The following TM4SF19 variants were observed in gnomAD, a reference collection of about 807,000 sequenced individuals.
The protein encoded by TM4SF19 is transmembrane 4 L6 family member 19.
A neutral mutation model predicts 21.8 loss-of-function variants in TM4SF19; 17 were observed. The observed-to-expected ratio is 0.78, with a 90% CI of 0.53 to 1.17. TM4SF19 has a LOEUF of 1.17. Ranked by LOEUF, TM4SF19 falls within the 50% of genes most tolerant of loss-of-function variation. TM4SF19 has a pLI of 0.00. For missense variants in TM4SF19, 216 were observed against 252.1 expected (o/e 0.86, Z 0.97); for synonymous variants, 107 against 106.7 (o/e 1.00, Z -0.02).
chr3:196,332,730 C>T (rs1230375916), intron 1 of TM4SF19, among the ~76,000 whole-genome samples: 1 of 151,926 alleles, frequency 6.6e-6, no homozygotes, highest in African/African-American at 2.4e-5. Context: ...TGCTTCTCCA[C>T]TTATGATGGG....
chr3:196,330,282 T>C (rs1727456251), intron 1 of TM4SF19, among the ~76,000 whole-genome samples: 1 of 152,132 alleles, frequency 6.6e-6, no homozygotes, highest in Non-Finnish European at 1.5e-5. Flanking sequence ...GGTTTAAGGG[T>C]TACAGACTTT....
chr3:196,334,215 T>A (rs1727631080), intron 1 of TM4SF19, among the ~76,000 whole-genome samples: 2 of 152,216 alleles, frequency 1.3e-5, no homozygotes, highest in African/African-American at 4.8e-5. Flanking sequence ...CCCTCTCCAA[T>A]CCTGCCTTCT....
chr3:196,335,806 G>A (rs1291263475), intron 1 of TM4SF19, among the ~76,000 whole-genome samples: 2 of 152,018 alleles, frequency 1.3e-5, no homozygotes, highest in Non-Finnish European at 1.5e-5. Context: ...CGGTCCCATC[G>A]TGCAGTGCGG....
Position 196,329,382 on chromosome 3 carries a change from A to G in TM4SF19, c.-1-1791T>C, listed in dbSNP as rs1028510950. ...TTCAAAAATTCACTTGAAATGGAGC[A>G]TGGGTCTAAAAGCTTTATAAAATTT... On this transcript the variant is annotated intron_variant, in intron 1 of 4. Transcript: ENST00000273695. Among the ~76,000 whole-genome samples, 4 of 127,416 alleles carry G rather than the reference A, an allele frequency of 3.1e-5. 1 individual carries two copies. Among genetic ancestry groups the G allele is most frequent in the Non-Finnish European group, 5.2e-5 (3 of 57,844 alleles). 83.6% of individuals were successfully genotyped at this position (127,416 alleles called of 152,430 possible). A position where few individuals can be genotyped will look rare whatever the true frequency, so the allele number is the denominator to read the frequency against.
In TM4SF19 at chr3:196,329,607, C is replaced by G. The variant is rs1437764933; in HGVS notation, c.-1-2016G>C. 2.5e-5 allele frequency among the ~76,000 whole-genome samples: 3 copies of G among 119,994 alleles called. 1 individual carries two copies. The highest frequency in any genetic ancestry group is 8.3e-5 in the African/African-American group (3 of 36,080). The allele number at this position is 119,994 out of a possible 152,430, so 78.7% of individuals were successfully genotyped here. A position where few individuals can be genotyped will look rare whatever the true frequency, so the allele number is the denominator to read the frequency against. On this transcript the variant is annotated intron_variant, in intron 1 of 4. Transcript: ENST00000273695. Reference sequence around the variant, plus strand: ...GCTTGAACCCAGGAGGCAGAGGCTGCAGTGAGCTGAGATCGCGCCACTGCA... The same window carrying G: ...GCTTGAACCCAGGAGGCAGAGGCTGGAGTGAGCTGAGATCGCGCCACTGCA...
chr3:196,327,103 C>T (rs899953974), intron 2 of TM4SF19, 71 bp from the exon 3 acceptor site: 22 of 1,289,982 alleles, frequency 1.7e-5, no homozygotes, highest in Non-Finnish European at 2.5e-5. Flanking sequence ...CTGCCCACAG[C>T]TGTTAGAGTG....
chr3:196,327,631 G>A (rs920122958), intron 1 of TM4SF19, 40 bp from the exon 2 acceptor site: 11 of 1,552,646 alleles, frequency 7.1e-6, no homozygotes, highest in African/African-American at 1.4e-5. Context: ...GCTCTGCTGT[G>A]GGGGGATGGG....
intron 1 of TM4SF19, among the ~76,000 whole-genome samples, chr3:196,331,731 G>A (rs929492623): frequency 2.6e-5 from 4 of 151,916 alleles, no homozygotes; most frequent in Admixed American, 6.6e-5. Flanking sequence ...AGGTTGCAGT[G>A]AGCCGAGATT....
chr3:196,327,110 A>ACTCTAACAGCT, intron 2 of TM4SF19, 78 bp from the exon 3 acceptor site: 1 of 1,189,828 alleles, frequency 8.4e-7, no homozygotes, highest in African/African-American at 1.5e-5. Context: ...CAGCTGTTAG[A>ACTCTAACAGCT]GTGGCTGGCA....
At chr3:196,332,403 A>AAG (rs957019234) in intron 1 of TM4SF19, among the ~76,000 whole-genome samples, 4 of 139,802 alleles carry the variant, frequency 2.9e-5, no homozygotes, top group East Asian at 4.6e-4. Context: ...GACAGAGCAA[A>AAG]AGAGAGAGAG....
intron 1 of TM4SF19, among the ~76,000 whole-genome samples, chr3:196,337,163 G>C (rs1727797399): frequency 7.1e-6 from 1 of 141,426 alleles, no homozygotes; most frequent in African/African-American, 2.6e-5. Flanking sequence ...TCGGGTTCAA[G>C]TTATTCTCCT....
intron 3 of TM4SF19, among the ~76,000 whole-genome samples, chr3:196,326,217 C>T (rs1054688329): frequency 4.6e-5 from 7 of 152,214 alleles, no homozygotes; most frequent in African/African-American, 1.7e-4. Context: ...TCAGGTGATC[C>T]GCCCATCTTG....
chr3:196,324,108 C>T (rs763641062), intron 4 of TM4SF19, 111 bp from the exon 5 acceptor site: 11 of 1,458,132 alleles, frequency 7.5e-6, no homozygotes, highest in Non-Finnish European at 1.0e-5. Context: ...GGACTGGGCT[C>T]ATGAGGGTGA....
chr3:196,327,163 C>G (rs1331187299), intron 2 of TM4SF19, 131 bp from the exon 3 acceptor site: 1 of 822,792 alleles, frequency 1.2e-6, no homozygotes, highest in African/African-American at 1.7e-5. Flanking sequence ...TCTGGGGACC[C>G]ACATTTGTAT....
At position 196,327,093 on chromosome 3, in the gene TM4SF19, C is replaced by A. The variant is rs372213686; in HGVS notation, c.202-61G>T. On this transcript the variant is annotated intron_variant, in intron 2 of 4. Transcript: ENST00000273695. The stretch of plus-strand genomic sequence containing the variant: ...CGACTTTGCCGGCTGTTTCTAGGTG[C>A]TGCCCACAGCTGTTAGAGTGGCTGG... The A allele has an allele frequency of 2.3e-5, 31 of 1,363,512 alleles. No individual in the cohort carries two copies. The African/African-American group carries it at 4.1e-4, about 18-fold the overall frequency. The allele number at this position is 1,363,512 out of a possible 1,614,324, so 84.5% of individuals were successfully genotyped here. A position where few individuals can be genotyped will look rare whatever the true frequency, so the allele number is the denominator to read the frequency against.
chr3:196,334,827 G>C (rs543943794), intron 1 of TM4SF19, among the ~76,000 whole-genome samples: 11 of 123,560 alleles, frequency 8.9e-5, no homozygotes, highest in African/African-American at 3.5e-4. Context: ...GAGGAAGGGT[G>C]CCCTGAGAAG....
At position 196,325,725 on chromosome 3, in the gene TM4SF19, G is replaced by T. The variant is rs1168243998; in HGVS notation, c.279+1230C>A. On this transcript the variant is annotated intron_variant, in intron 3 of 4. Coordinates refer to ENST00000273695, the MANE Select transcript of TM4SF19 (RefSeq NM_138461.4). The surrounding 1 kb of genome is among the most constrained non-coding windows in gnomAD (Gnocchi z 4.3). ...AAGATGAATCAGTAAGCCTAGGGCA[G>T]TGGTTCCCAAAATGGGGTCCCTGCC... is the stretch of plus-strand genomic sequence containing the variant. Among the ~76,000 whole-genome samples, 1 of 152,170 alleles carries T rather than the reference G, an allele frequency of 6.6e-6. No individual in the cohort carries two copies. Among genetic ancestry groups the T allele is most frequent in the Non-Finnish European group, 1.5e-5 (1 of 68,026 alleles).
chr3:196,328,938 G>GA (rs1727407647), intron 1 of TM4SF19, among the ~76,000 whole-genome samples: 1 of 152,014 alleles, frequency 6.6e-6, no homozygotes, highest in Non-Finnish European at 1.5e-5. Flanking sequence ...CCCGGTCCAG[G>GA]AAAAATGATT....
Position 196,323,566 on chromosome 3 carries a change from A to T in TM4SF19, c.*251T>A. ...TGAGACCCTGGCTGGAGGATATTTT[A>T]TGGACTATAAATTCCTAAACAATTA... On this transcript the variant is annotated 3_prime_UTR_variant, in exon 5 of 5. Transcript: ENST00000273695. The T allele has an allele frequency of 1.3e-6, 1 of 748,088 alleles. No individual in the cohort carries two copies. Among genetic ancestry groups the T allele is most frequent in the Non-Finnish European group, 2.1e-6 (1 of 475,048 alleles). The allele number at this position is 748,088 out of a possible 1,614,324, so 46.3% of individuals were successfully genotyped here. A position where few individuals can be genotyped will look rare whatever the true frequency, so the allele number is the denominator to read the frequency against.
Sources: allele counts gnomAD v4.1 joint callset (sites outside exome capture counted in the v4.1 genomes callset), GRCh38; gene constraint gnomAD v4.1.1; non-coding constraint Gnocchi (gnomAD v3.1); transcripts MANE v1.5; gene names NCBI Gene and HGNC (gene_info 2026-07-23, HGNC 2026-07-21).